The following ARSB variants were observed in gnomAD, a reference collection of about 807,000 sequenced individuals.
ARSB encodes the protein arylsulfatase B, also known as N-acetylgalactosamine-4-sulfatase.
ARSB carries 41 observed loss-of-function variants against 50.9 expected under a neutral mutation model. That is an observed-to-expected ratio of 0.81 (90% CI 0.63 to 1.04). ARSB has a LOEUF of 1.04. Among genes scored for constraint, ARSB ranks in the 50% least tolerant of loss-of-function variants. The pLI is 0.00. For missense variants in ARSB, 672 were observed against 693.3 expected, an observed-to-expected ratio of 0.97 and a Z score of 0.35; for synonymous variants, 269 against 284.8, an observed-to-expected ratio of 0.94 and a Z score of 0.56.
intron 1 of ARSB, 122 bp downstream of exon 1, chr5:78,984,815 A>C: frequency 1.3e-6 from 1 of 772,812 alleles, no homozygotes; most frequent in Non-Finnish European, 1.7e-6. Flanking sequence ...CGGGACCCAT[A>C]ACTGGGTCGG....
intron 6 of ARSB, among the ~76,000 whole-genome samples, chr5:78,795,054 A>G (rs914690912): frequency 7.9e-5 from 12 of 152,220 alleles, no homozygotes; most frequent in Admixed American, 3.3e-4. Flanking sequence ...GAATTAAATG[A>G]GATAGTACAT....
intron 4 of ARSB, among the ~76,000 whole-genome samples, chr5:78,905,097 G>A (rs920343832): frequency 6.6e-6 from 1 of 152,024 alleles, no homozygotes; most frequent in Non-Finnish European, 1.5e-5. Flanking sequence ...CAGATATTGT[G>A]TTTTTCAGTT....
intron 4 of ARSB, among the ~76,000 whole-genome samples, chr5:78,942,119 A>C (rs1177705340): frequency 3.9e-5 from 6 of 152,100 alleles, no homozygotes; most frequent in African/African-American, 1.2e-4. Context: ...CTGTGGGATC[A>C]GTGGTGATAT....
chr5:78,955,757 C>T (rs950697813), intron 3 of ARSB, among the ~76,000 whole-genome samples: 1 of 152,084 alleles, frequency 6.6e-6, no homozygotes, highest in South Asian at 2.1e-4. Context: ...AGAGGATACA[C>T]AAAAGGCAAT....
chr5:78,959,454 C>T (rs1021719929), intron 3 of ARSB, among the ~76,000 whole-genome samples: 1 of 152,094 alleles, frequency 6.6e-6, no homozygotes, highest in East Asian at 1.9e-4. Context: ...CAAACTTCTA[C>T]ACTTTGAAAC....
intron 5 of ARSB, among the ~76,000 whole-genome samples, chr5:78,852,513 A>C (rs865940952): frequency 6.6e-6 from 1 of 151,684 alleles, no homozygotes; most frequent in East Asian, 1.9e-4. Context: ...TTCAACTTTG[A>C]TGAATCTGAC....
rs1347270742 is a variant in ARSB, at chr5:78,867,540, AC to A, written c.1142+18043del. Among the ~76,000 whole-genome samples, 25 of 151,986 alleles carry A rather than the reference AC, an allele frequency of 1.6e-4. No individual in the cohort carries two copies. In the South Asian group the frequency reaches 3.1e-3, roughly 19 times the overall value. On this transcript the variant is annotated intron_variant, in intron 5 of 7. Transcript: ENST00000264914. ...CCCCCGAGCAGCCTAACTGGGAGGCACCCCCCAGCAGGGGCACACTGACACC... is the reference window on the plus strand; with the variant it reads ...CCCCCGAGCAGCCTAACTGGGAGGCACCCCCAGCAGGGGCACACTGACACC...
chr5:78,856,694 T>C (rs928213607), intron 5 of ARSB, among the ~76,000 whole-genome samples: 4 of 152,222 alleles, frequency 2.6e-5, no homozygotes, highest in African/African-American at 9.6e-5. Flanking sequence ...AATCATGTGT[T>C]AGCTTCTATC....
At chr5:78,911,572 T>TAAAAAAAAAAAAAAAA (rs71001137) in intron 4 of ARSB, among the ~76,000 whole-genome samples, 1 of 67,852 alleles carries the variant, frequency 1.5e-5, no homozygotes, top group Non-Finnish European at 2.5e-5. Context: ...AGACTCCCTC[T>TAAAAAAAAAAAAAAAA]AAAAAAAAAA....
intron 5 of ARSB, among the ~76,000 whole-genome samples, chr5:78,851,008 C>T (rs548098650): frequency 1.6e-4 from 24 of 152,256 alleles, no homozygotes; most frequent in Admixed American, 4.6e-4. Context: ...TTCAAAAAAC[C>T]AGCTCCTGGA....
At chr5:78,818,526 C>G (rs896720765) in intron 6 of ARSB, among the ~76,000 whole-genome samples, 2 of 150,212 alleles carry the variant, frequency 1.3e-5, no homozygotes, top group Non-Finnish European at 3.0e-5. Context: ...TTGCACGGTT[C>G]GCATTTCATT....
At chr5:78,819,787 C>T (rs1261757198) in intron 6 of ARSB, among the ~76,000 whole-genome samples, 1 of 152,198 alleles carries the variant, frequency 6.6e-6, no homozygotes, top group Non-Finnish European at 1.5e-5. Context: ...AAAGGCAGAG[C>T]CAAGGGGCCT....
At chr5:78,827,227 G>T (rs1014046055) in intron 6 of ARSB, among the ~76,000 whole-genome samples, 1 of 150,914 alleles carries the variant, frequency 6.6e-6, no homozygotes, top group Non-Finnish European at 1.5e-5. Flanking sequence ...CCTTTTTTTT[G>T]AAATAGAGTC....
intron 4 of ARSB, among the ~76,000 whole-genome samples, chr5:78,912,435 T>C (rs576516146): frequency 6.6e-6 from 1 of 152,294 alleles, no homozygotes; most frequent in African/African-American, 2.4e-5. Context: ...GGACTCAAAG[T>C]GAATTAAAAC....
chr5:78,950,157 G>T (rs1751436621), intron 4 of ARSB, among the ~76,000 whole-genome samples: 1 of 152,174 alleles, frequency 6.6e-6, no homozygotes, highest in Non-Finnish European at 1.5e-5. Context: ...ATACAATGGT[G>T]TCTTCCTAAC....
intron 6 of ARSB, among the ~76,000 whole-genome samples, chr5:78,826,168 T>C (rs1744426043): frequency 6.6e-6 from 1 of 152,032 alleles, no homozygotes; most frequent in African/African-American, 2.4e-5. Context: ...TGCCTTAGCC[T>C]CCCAAGCAGC....
chr5:78,919,934 T>C (rs1263847825), intron 4 of ARSB, among the ~76,000 whole-genome samples: 1 of 152,218 alleles, frequency 6.6e-6, no homozygotes, highest in East Asian at 1.9e-4. Flanking sequence ...CACAAAGCTC[T>C]CATCTGAATT....
intron 4 of ARSB, among the ~76,000 whole-genome samples, chr5:78,945,843 T>C (rs1751204756): frequency 6.6e-6 from 1 of 152,214 alleles, no homozygotes; most frequent in Non-Finnish European, 1.5e-5. Flanking sequence ...ACCTGTGTTC[T>C]GCTTATCTGG....
At chr5:78,897,575 T>C (rs978746868) in intron 4 of ARSB, among the ~76,000 whole-genome samples, 25 of 152,188 alleles carry the variant, frequency 1.6e-4, no homozygotes, top group Non-Finnish European at 4.4e-5. Context: ...ATGATATATA[T>C]ATAATCACAA....
Sources: allele counts gnomAD v4.1 joint callset (sites outside exome capture counted in the v4.1 genomes callset), GRCh38; gene constraint gnomAD v4.1.1; transcripts MANE v1.5; gene names NCBI Gene and HGNC (gene_info 2026-07-23, HGNC 2026-07-21).